Variants in VKORC1L1 observed in about 807,000 individuals in gnomAD.
VKORC1L1 encodes vitamin K epoxide reductase complex subunit 1-like protein 1.
In VKORC1L1, 2 loss-of-function variants were observed where a neutral mutation model predicts 18.9. The observed-to-expected ratio is 0.11, with a 90% CI of 0.04 to 0.33. VKORC1L1 has a LOEUF of 0.33. Among genes scored for constraint, VKORC1L1 ranks in the 10% least tolerant of loss-of-function variants. The pLI is 1.00. For synonymous variants in VKORC1L1, 96 were observed against 100.0 expected (o/e 0.96, Z 0.24); for missense variants, 123 against 224.1 (o/e 0.55, Z 2.88).
intron 2 of VKORC1L1, among the ~76,000 whole-genome samples, chr7:65,949,212 G>T (rs1229675648): frequency 4.6e-5 from 7 of 152,088 alleles, no homozygotes; most frequent in Admixed American, 2.6e-4. Flanking sequence ...GGGTGCGGTG[G>T]TGCACACCTG....
chr7:65,915,856 C>G (rs1476306861), intron 1 of VKORC1L1, among the ~76,000 whole-genome samples: 1 of 152,058 alleles, frequency 6.6e-6, no homozygotes, highest in African/African-American at 2.4e-5. Flanking sequence ...GTGGCTCACA[C>G]CTGTAATCCC....
chr7:65,948,971 G>A (rs1274724817), intron 2 of VKORC1L1, among the ~76,000 whole-genome samples, 191 bp downstream of exon 2: 4 of 152,106 alleles, frequency 2.6e-5, no homozygotes, highest in African/African-American at 9.7e-5. Context: ...GTCAATTGCT[G>A]TTTAATCATG....
At chr7:65,927,907 G>A (rs1278941606) in intron 1 of VKORC1L1, among the ~76,000 whole-genome samples, 2 of 152,106 alleles carry the variant, frequency 1.3e-5, no homozygotes, top group Non-Finnish European at 1.5e-5. Flanking sequence ...AGTTAAGGGG[G>A]CCCCAACTGA....
At chr7:65,872,405 C>T (rs1444406846), upstream of VKORC1L1, among the ~76,000 whole-genome samples, 5 of 152,080 alleles carry the variant, frequency 3.3e-5, no homozygotes, top group South Asian at 2.1e-4. Context: ...CTCCACCTCC[C>T]GGGTTCCGGC....
intron 1 of VKORC1L1, 97 bp downstream of exon 1, chr7:65,873,662 G>A (rs1243791469): frequency 1.9e-5 from 24 of 1,235,154 alleles, no homozygotes; most frequent in Non-Finnish European, 2.3e-5. Flanking sequence ...GCCTGGGGGC[G>A]GCGGGGACCG....
At chr7:65,907,936 A>G (rs1395692158) in intron 1 of VKORC1L1, among the ~76,000 whole-genome samples, 1 of 151,770 alleles carries the variant, frequency 6.6e-6, no homozygotes, top group African/African-American at 2.4e-5. Flanking sequence ...CGAACACTGG[A>G]TTAAGTATGA....
At chr7:65,879,595 G>A (rs76753677) in intron 1 of VKORC1L1, among the ~76,000 whole-genome samples, 5,555 of 152,216 alleles carry the variant, frequency 0.036, 140 homozygotes, top group East Asian at 0.075. Context: ...GCAGAGGCCT[G>A]ATTCTAACCC....
intron 1 of VKORC1L1, among the ~76,000 whole-genome samples, chr7:65,945,820 T>TA (rs1790111753): frequency 6.6e-6 from 1 of 152,234 alleles, no homozygotes; most frequent in Non-Finnish European, 1.5e-5. Context: ...CATGTGATCT[T>TA]ACATGAATAA....
chr7:65,877,431 T>G (rs1251550271), intron 1 of VKORC1L1, among the ~76,000 whole-genome samples: 1 of 151,580 alleles, frequency 6.6e-6, no homozygotes, highest in African/African-American at 2.4e-5. Flanking sequence ...CACTGCAACC[T>G]CCACCTCCCG....
Position 65,886,839 on chromosome 7 carries a change from G to GT in VKORC1L1, c.194+13300dup, listed in dbSNP as rs56234924. 5.5e-3 allele frequency among the ~76,000 whole-genome samples: 322 copies of GT among 58,622 alleles called. 45 individuals carry two copies. Among genetic ancestry groups the GT allele is most frequent in the African/African-American group, 8.7e-3 (149 of 17,218 alleles). The allele number at this position is 58,622 out of a possible 152,430, so 38.5% of individuals were successfully genotyped here. A position where few individuals can be genotyped will look rare whatever the true frequency, so the allele number is the denominator to read the frequency against. On this transcript the variant is annotated intron_variant, in intron 1 of 2. Coordinates refer to ENST00000360768, the MANE Select transcript of VKORC1L1 (RefSeq NM_173517.6). The stretch of plus-strand genomic sequence containing the variant: ...GGCGTGAGCCACTGCGCCTGTCCGA[G>GT]TTTTTTTTTTTTTTTTTTTTTTTTT...
chr7:65,899,313 C>G (rs1789270035), intron 1 of VKORC1L1, among the ~76,000 whole-genome samples: 2 of 152,232 alleles, frequency 1.3e-5, no homozygotes, highest in Admixed American at 1.3e-4. Flanking sequence ...CCAAATCCAC[C>G]TCTTTATCCC....
At chr7:65,926,898 G>A (rs563333425) in intron 1 of VKORC1L1, among the ~76,000 whole-genome samples, 2 of 152,274 alleles carry the variant, frequency 1.3e-5, no homozygotes, top group South Asian at 4.2e-4. Flanking sequence ...TGGGAGCTAA[G>A]CTATGAGTAC....
chr7:65,948,888 T>G, intron 2 of VKORC1L1, 108 bp downstream of exon 2: 15 of 1,351,096 alleles, frequency 1.1e-5, no homozygotes, highest in Non-Finnish European at 1.5e-5. Flanking sequence ...ATAGAACCAC[T>G]AGCGTGTACA....
rs749603930 is a variant in VKORC1L1, at chr7:65,956,521, C to A, written c.*2221C>A. ...GTTTTTCCTTTGCTTTTCTAAGCCT[C>A]GGGGAAACCACTGTTTCAGTTGTAT... On this transcript the variant is annotated 3_prime_UTR_variant, in exon 3 of 3. Coordinates refer to ENST00000360768, the MANE Select transcript of VKORC1L1 (RefSeq NM_173517.6). 6.6e-6 allele frequency: 1 copy of A among 152,168 alleles called. No individual in the cohort carries two copies. The highest frequency in any genetic ancestry group is 2.1e-4 in the South Asian group (1 of 4,834). The allele number at this position is 152,168 out of a possible 1,614,324, so 9.4% of individuals were successfully genotyped here. A position where few individuals can be genotyped will look rare whatever the true frequency, so the allele number is the denominator to read the frequency against.
intron 2 of VKORC1L1, among the ~76,000 whole-genome samples, chr7:65,952,778 CTTTTTTTTTTTTTTTTT>C (rs11395208): frequency 1.2e-5 from 1 of 86,612 alleles, no homozygotes; most frequent in South Asian, 4.7e-4. Context: ...TTTTTTTTTC[CTTTTTTTTTTTTTTTTT>C]TTTTTTTGAG....
At chr7:65,873,944 C>G (rs552372078) in intron 1 of VKORC1L1, among the ~76,000 whole-genome samples, 1 of 152,144 alleles carries the variant, frequency 6.6e-6, no homozygotes, top group East Asian at 1.9e-4. Context: ...TCTCGGGAGG[C>G]GGGCCGGGGG....
intron 1 of VKORC1L1, among the ~76,000 whole-genome samples, chr7:65,932,851 G>A (rs555974499): frequency 2.1e-4 from 32 of 152,176 alleles, no homozygotes; most frequent in Non-Finnish European, 2.2e-4. Context: ...AGGCCAAGGC[G>A]GGTGGATCAC....
upstream of VKORC1L1, among the ~76,000 whole-genome samples, chr7:65,872,479 AT>A (rs1216096027): frequency 6.6e-6 from 1 of 151,660 alleles, no homozygotes; most frequent in Admixed American, 6.6e-5. Flanking sequence ...CACCGGGCTA[AT>A]TTGTTTTTGT....
chr7:65,943,210 C>T lies in VKORC1L1; in HGVS notation c.195-5461C>T, dbSNP rs1790065053. On this transcript the variant is annotated intron_variant, in intron 1 of 2. Coordinates refer to ENST00000360768, the MANE Select transcript of VKORC1L1 (RefSeq NM_173517.6). ...GCCCAGGAGTTCGAGACGAGCCTGG[C>T]CAACATGGCGAAACCCTCTCTACAA... Among the ~76,000 whole-genome samples the T allele has an allele frequency of 3.3e-5, 5 of 151,790 alleles. No homozygotes were observed. The South Asian group carries it at 1.0e-3, about 32-fold the overall frequency.
Sources: allele counts gnomAD v4.1 joint callset (sites outside exome capture counted in the v4.1 genomes callset), GRCh38; gene constraint gnomAD v4.1.1; transcripts MANE v1.5; gene names NCBI Gene and HGNC (gene_info 2026-07-23, HGNC 2026-07-21).